Variants in RGS7BP observed in about 807,000 individuals in gnomAD.
The protein encoded by RGS7BP is regulator of G protein signaling 7-binding protein.
A neutral mutation model predicts 31.3 loss-of-function variants in RGS7BP; 9 were observed. The observed-to-expected ratio is 0.29, with a 90% confidence interval of 0.17 to 0.50. The LOEUF is 0.50. Ranked by LOEUF, RGS7BP falls within the 20% of genes least tolerant of loss-of-function variation. The probability of loss-of-function intolerance (pLI) is 0.98; values close to 1 mark genes in which losing one functional copy is unlikely to be tolerated. For synonymous variants in RGS7BP, 115 were observed against 120.1 expected, an observed-to-expected ratio of 0.96 and a Z score of 0.28; for missense variants, 274 against 322.0, an observed-to-expected ratio of 0.85 and a Z score of 1.14.
At chr5:64,608,986 A>AT (rs1458747335) in intron 5 of RGS7BP, among the ~76,000 whole-genome samples, 175 bp from the exon 6 acceptor site, 1 of 152,036 alleles carries the variant, frequency 6.6e-6, no homozygotes, top group African/African-American at 2.4e-5. Context: ...GCTACTAAAC[A>AT]TTCCACAGTG....
chr5:64,525,542 CTTCCACCAAAATTATGTCA>C (rs1382737308), intron 2 of RGS7BP, among the ~76,000 whole-genome samples: 3 of 152,202 alleles, frequency 2.0e-5, no homozygotes, highest in African/African-American at 7.2e-5. Flanking sequence ...ATGTAATGTG[CTTCCACCAAAATTATGTCA>C]TTTAATCCTT....
At position 64,560,095 on chromosome 5, in the gene RGS7BP, G is replaced by A. The variant is rs77150012; in HGVS notation, c.333-15679G>A. On this transcript the variant is annotated intron_variant, in intron 2 of 5. Transcript: ENST00000334025. The stretch of plus-strand genomic sequence containing the variant: ...AATAAGGCACTACATATGTCACACT[G>A]GCTGTTTCCTGCAAATAACTCAAAC... 7.9e-3 allele frequency among the ~76,000 whole-genome samples: 1,197 copies of A among 152,162 alleles called. 20 individuals carry two copies. The highest frequency in any genetic ancestry group is 0.028 in the African/African-American group (1,153 of 41,526).
At chr5:64,557,998 A>G (rs147133790) in intron 2 of RGS7BP, among the ~76,000 whole-genome samples, 99 of 152,192 alleles carry the variant, frequency 6.5e-4, no homozygotes, top group Non-Finnish European at 1.0e-3. Flanking sequence ...TGCAAACCAA[A>G]TAGGATTTGC....
chr5:64,589,591 A>G (rs1742853173), intron 3 of RGS7BP, among the ~76,000 whole-genome samples: 1 of 152,166 alleles, frequency 6.6e-6, no homozygotes, highest in Non-Finnish European at 1.5e-5. Context: ...TATTCATGAC[A>G]TTGAAAATGA....
chr5:64,565,121 A>G (rs921505669), intron 2 of RGS7BP, among the ~76,000 whole-genome samples: 5 of 152,170 alleles, frequency 3.3e-5, no homozygotes, highest in African/African-American at 1.2e-4. Flanking sequence ...GTACATAACC[A>G]TACTGGAGAC....
chr5:64,510,071 G>A (rs1748792159), intron 2 of RGS7BP, among the ~76,000 whole-genome samples: 2 of 152,202 alleles, frequency 1.3e-5, no homozygotes, highest in African/African-American at 2.4e-5. Context: ...TAGGGAGGCT[G>A]TAGGAGTCAC....
intron 3 of RGS7BP, among the ~76,000 whole-genome samples, chr5:64,582,060 C>T (rs1477563364): frequency 6.6e-6 from 1 of 152,164 alleles, no homozygotes; most frequent in Admixed American, 6.5e-5. Flanking sequence ...TATTCTAACA[C>T]TTTAAGTTAT....
intron 2 of RGS7BP, among the ~76,000 whole-genome samples, chr5:64,512,712 T>G (rs906671795): frequency 6.6e-6 from 1 of 152,220 alleles, no homozygotes; most frequent in African/African-American, 2.4e-5. Context: ...AATAAATACT[T>G]TGGCTGGAAT....
Position 64,506,384 on chromosome 5 carries a change from C to T in RGS7BP, c.-241C>T. The T allele has an allele frequency of 2.6e-6, 1 of 388,038 alleles. No homozygotes were observed. Among genetic ancestry groups the T allele is most frequent in the African/African-American group, 2.1e-5 (1 of 48,038 alleles). 24.0% of individuals were successfully genotyped at this position (388,038 alleles called of 1,614,324 possible). ...GGACAGGGTCGGCAATGCTGCTGAG[C>T]AGAACTTGATCGCGCTCCTTCCTCG... On this transcript the variant is annotated 5_prime_UTR_variant, in exon 1 of 6. An upstream open reading frame in the 5' UTR gains an earlier in-frame stop. Transcript: ENST00000334025. This position sits in a 1 kb window ranked among gnomAD's most constrained non-coding sequence, Gnocchi z 4.6.
At chr5:64,589,924 CAAAAAAAA>C (rs77321289) in intron 3 of RGS7BP, among the ~76,000 whole-genome samples, 3 of 104,408 alleles carry the variant, frequency 2.9e-5, no homozygotes, top group African/African-American at 1.1e-4. Context: ...GACCCTGACT[CAAAAAAAA>C]AAAAAAAAGA....
chr5:64,568,698 A>G lies in RGS7BP; in HGVS notation c.333-7076A>G, dbSNP rs956118625. On this transcript the variant is annotated intron_variant, in intron 2 of 5. Transcript: ENST00000334025. ...CATTAAACAGTTACATTTAAGATGA[A>G]TAAAAGATGACTTACAATTTAATAG... is the stretch of plus-strand genomic sequence containing the variant. Among the ~76,000 whole-genome samples, 4 of 152,088 alleles carry G rather than the reference A, an allele frequency of 2.6e-5. No individual in the cohort carries two copies. In the East Asian group the frequency reaches 5.8e-4, roughly 22 times the overall value.
chr5:64,556,928 T>C (rs1346272080), intron 2 of RGS7BP, among the ~76,000 whole-genome samples: 2 of 152,110 alleles, frequency 1.3e-5, no homozygotes, highest in African/African-American at 4.8e-5. Flanking sequence ...CATGTTTAAA[T>C]TGTAAAGGAG....
At chr5:64,517,569 T>C (rs10053567) in intron 2 of RGS7BP, among the ~76,000 whole-genome samples, 43,651 of 152,076 alleles carry the variant, frequency 0.29, 7,231 homozygotes, top group East Asian at 0.69. Flanking sequence ...AATCCATACT[T>C]GTTAACCAGT....
chr5:64,603,924 G>A (rs1210301019), intron 5 of RGS7BP, among the ~76,000 whole-genome samples: 4 of 152,176 alleles, frequency 2.6e-5, no homozygotes, highest in Admixed American at 1.3e-4. Flanking sequence ...GGAGCAGTCA[G>A]AAAAGACTGC....
intron 3 of RGS7BP, among the ~76,000 whole-genome samples, chr5:64,579,200 GA>G: frequency 6.6e-6 from 1 of 152,196 alleles, no homozygotes; most frequent in East Asian, 1.9e-4. Context: ...TTATTGGTGA[GA>G]AATTCTCAAT....
At chr5:64,508,075 T>A (rs1748742787) in intron 2 of RGS7BP, among the ~76,000 whole-genome samples, 198 bp downstream of exon 2, 1 of 152,334 alleles carries the variant, frequency 6.6e-6, no homozygotes, top group East Asian at 1.9e-4. Flanking sequence ...CATATATGTA[T>A]ATATATTTAG....
chr5:64,555,122 T>C (rs1188940096), intron 2 of RGS7BP, among the ~76,000 whole-genome samples: 1 of 151,954 alleles, frequency 6.6e-6, no homozygotes. Flanking sequence ...TACCACAAAA[T>C]ACTAAGGACA....
chr5:64,590,065 T>C (rs1352130899), intron 3 of RGS7BP, among the ~76,000 whole-genome samples: 1 of 151,978 alleles, frequency 6.6e-6, no homozygotes. Context: ...AATAATAGTA[T>C]AGAATCAAAT....
chr5:64,565,036 A>G (rs372215298), intron 2 of RGS7BP, among the ~76,000 whole-genome samples: 13 of 152,262 alleles, frequency 8.5e-5, no homozygotes, highest in African/African-American at 3.1e-4. Context: ...TGCCACTAGT[A>G]TGCAATCTCT....
Sources: gnomAD v4.1 joint callset for allele counts (sites outside exome capture counted in the v4.1 genomes callset) on GRCh38, gnomAD v4.1.1 for gene constraint, Gnocchi (gnomAD v3.1) non-coding constraint, MANE v1.5 for transcripts, NCBI Gene and HGNC (gene_info 2026-07-23, HGNC 2026-07-21) for gene names.